Variants in ZFPM2 observed in about 807,000 individuals in gnomAD.
ZFPM2 encodes the protein zinc finger protein ZFPM2.
In ZFPM2, 20 loss-of-function variants were observed where a neutral mutation model predicts 98.6. The ratio of observed to expected loss-of-function variants is 0.20; its 90% CI spans 0.14 to 0.29. ZFPM2 has a LOEUF of 0.29. ZFPM2 is among the 10% of genes least tolerant of loss of function. The pLI, the probability that ZFPM2 is intolerant of heterozygous loss-of-function variation, is 1.00. For synonymous variants in ZFPM2, 518 were observed against 502.7 expected (o/e 1.03, Z -0.41); for missense variants, 1,310 against 1,388.6 (o/e 0.94, Z 0.90).
At chr8:105,373,467 C>A (rs979646) in intron 1 of ZFPM2, among the ~76,000 whole-genome samples, 84,658 of 151,938 alleles carry the variant, frequency 0.56, 23,841 homozygotes, top group Admixed American at 0.63. Context: ...TTCTTAAAGG[C>A]ATCTGATGGA....
chr8:105,387,669 C>T (rs151052393), intron 1 of ZFPM2: 193 of 155,432 alleles, frequency 1.2e-3, no homozygotes, highest in African/African-American at 4.4e-3. Context: ...GCCCGCGCCT[C>T]TACTTCCACA....
intron 3 of ZFPM2, among the ~76,000 whole-genome samples, chr8:105,469,306 C>G (rs1416264434): frequency 1.3e-5 from 2 of 152,178 alleles, no homozygotes; most frequent in Admixed American, 1.3e-4. Flanking sequence ...GATGGCTTCA[C>G]TATTATGTGA....
At chr8:105,469,253 G>T (rs1812851591) in intron 3 of ZFPM2, among the ~76,000 whole-genome samples, 1 of 152,122 alleles carries the variant, frequency 6.6e-6, no homozygotes, top group Non-Finnish European at 1.5e-5. Flanking sequence ...CAATATTTCA[G>T]AGTGCTCACT....
chr8:105,621,773 A>T (rs1005719604), intron 4 of ZFPM2, among the ~76,000 whole-genome samples: 5 of 152,294 alleles, frequency 3.3e-5, no homozygotes, highest in Non-Finnish European at 7.4e-5. Context: ...TCTACATAGT[A>T]GATAACCTAT....
intron 5 of ZFPM2, among the ~76,000 whole-genome samples, chr8:105,687,860 G>A (rs987341805): frequency 1.9e-4 from 29 of 151,948 alleles, no homozygotes; most frequent in African/African-American, 7.0e-4. Flanking sequence ...AACACATTAT[G>A]AAAATGGAGA....
At chr8:105,620,456 T>A (rs1044248783) in intron 4 of ZFPM2, among the ~76,000 whole-genome samples, 13 of 152,148 alleles carry the variant, frequency 8.5e-5, no homozygotes, top group African/African-American at 2.7e-4. Context: ...GGGCAGATTG[T>A]AAAAATGTTC....
intron 4 of ZFPM2, among the ~76,000 whole-genome samples, chr8:105,630,916 C>T (rs1373846597): frequency 6.6e-6 from 1 of 152,040 alleles, no homozygotes. Flanking sequence ...TCAATTTTAG[C>T]ATTGAAAGTA....
chr8:105,626,504 G>A (rs1190926772), intron 4 of ZFPM2, among the ~76,000 whole-genome samples: 1 of 152,056 alleles, frequency 6.6e-6, no homozygotes, highest in African/African-American at 2.4e-5. Context: ...AGGTCAAATC[G>A]CGTACAGCAC....
chr8:105,665,535 T>G (rs572897458), intron 5 of ZFPM2, among the ~76,000 whole-genome samples: 3 of 152,314 alleles, frequency 2.0e-5, no homozygotes, highest in African/African-American at 7.2e-5. Context: ...GCATTCTCTG[T>G]TCAGGAATGG....
chr8:105,488,904 C>T (rs948775806), intron 3 of ZFPM2, among the ~76,000 whole-genome samples: 1 of 152,100 alleles, frequency 6.6e-6, no homozygotes, highest in African/African-American at 2.4e-5. Context: ...AAGGAAGACT[C>T]GATCTGTCCG....
chr8:105,577,478 C>T (rs1328261966), intron 4 of ZFPM2, among the ~76,000 whole-genome samples: 1 of 151,742 alleles, frequency 6.6e-6, no homozygotes, highest in Non-Finnish European at 1.5e-5. Context: ...GTAAAGCACA[C>T]CTCTATTATT....
In ZFPM2 at chr8:105,486,024, A is replaced by G. The variant is rs556488207; in HGVS notation, c.301+41643A>G. Reference sequence around the variant, plus strand: ...ATCACCTGAGCTTTGGATGACTCACATGAAAAGCTGGCCAGGAGATGAGAA... The same window carrying G: ...ATCACCTGAGCTTTGGATGACTCACGTGAAAAGCTGGCCAGGAGATGAGAA... On this transcript the variant is annotated intron_variant, in intron 3 of 7. Transcript: ENST00000407775. 4.6e-5 allele frequency among the ~76,000 whole-genome samples: 7 copies of G among 152,228 alleles called. No individual in the cohort carries two copies. In the East Asian group the frequency reaches 1.2e-3, roughly 25 times the overall value.
intron 5 of ZFPM2, among the ~76,000 whole-genome samples, chr8:105,699,835 A>G (rs7017541): frequency 0.1 from 15,484 of 152,198 alleles, 1,252 homozygotes; most frequent in African/African-American, 0.23. Flanking sequence ...CTCAACATTC[A>G]ACGAATATTA....
chr8:105,580,396 C>A (rs914007970), intron 4 of ZFPM2, among the ~76,000 whole-genome samples: 1 of 151,954 alleles, frequency 6.6e-6, no homozygotes, highest in Non-Finnish European at 1.5e-5. Flanking sequence ...TTTTTATTTG[C>A]CAGTACTTTT....
intron 3 of ZFPM2, among the ~76,000 whole-genome samples, chr8:105,553,550 A>T (rs1230719966): frequency 1.3e-5 from 2 of 152,168 alleles, no homozygotes; most frequent in Non-Finnish European, 2.9e-5. Context: ...TGCCACCACC[A>T]TTATGTTATC....
chr8:105,329,039 A>G (rs1229328117), intron 1 of ZFPM2, among the ~76,000 whole-genome samples: 3 of 151,886 alleles, frequency 2.0e-5, no homozygotes, highest in South Asian at 2.1e-4. Context: ...AAACAGGCAC[A>G]TATTTTGTCA....
intron 1 of ZFPM2, among the ~76,000 whole-genome samples, chr8:105,405,181 TC>T (rs1392449305): frequency 6.6e-6 from 1 of 152,056 alleles, no homozygotes; most frequent in African/African-American, 2.4e-5. Context: ...ACAAGGGTGT[TC>T]CTGAGCAAAG....
intron 5 of ZFPM2, among the ~76,000 whole-genome samples, chr8:105,738,779 CT>C (rs1049950979): frequency 7.3e-5 from 11 of 150,718 alleles, no homozygotes; most frequent in South Asian, 2.1e-4. Flanking sequence ...TGATGTCAAG[CT>C]TTTTTTTTCA....
chr8:105,479,542 C>T (rs1177827749), intron 3 of ZFPM2, among the ~76,000 whole-genome samples: 1 of 152,118 alleles, frequency 6.6e-6, no homozygotes, highest in African/African-American at 2.4e-5. Flanking sequence ...GATAAATACA[C>T]TTTAGTTAAA....
Sources: gnomAD v4.1 joint callset for allele counts (sites outside exome capture counted in the v4.1 genomes callset) on GRCh38, gnomAD v4.1.1 for gene constraint, MANE v1.5 for transcripts, NCBI Gene and HGNC (gene_info 2026-07-23, HGNC 2026-07-21) for gene names.